SPATS2: variants seen among roughly 807,000 people sequenced by gnomAD.
SPATS2 encodes the protein spermatogenesis-associated serine-rich protein 2.
In SPATS2, 38 loss-of-function variants were observed where a neutral mutation model predicts 63.7. The ratio of observed to expected loss-of-function variants is 0.60; its 90% CI spans 0.46 to 0.78. SPATS2 has a LOEUF of 0.78. SPATS2 is among the 30% of genes least tolerant of loss of function. The pLI is 0.00. For missense variants in SPATS2, 588 were observed against 666.2 expected (o/e 0.88, Z 1.29); for synonymous variants, 207 against 232.9 (o/e 0.89, Z 1.01).
At chr12:49,417,020 C>T (rs1944900807) in intron 2 of SPATS2, among the ~76,000 whole-genome samples, 1 of 152,144 alleles carries the variant, frequency 6.6e-6, no homozygotes, top group Non-Finnish European at 1.5e-5. Context: ...TGAAAGATGG[C>T]CTCTCTTCTT....
At chr12:49,487,600 T>C (rs1205894321) in intron 4 of SPATS2, among the ~76,000 whole-genome samples, 3 of 152,194 alleles carry the variant, frequency 2.0e-5, no homozygotes, top group Admixed American at 6.5e-5. Flanking sequence ...TCTTTTTGTT[T>C]GGGTTTTTTG....
At chr12:49,444,733 A>T (rs534634877) in intron 2 of SPATS2, among the ~76,000 whole-genome samples, 7 of 151,872 alleles carry the variant, frequency 4.6e-5, no homozygotes, top group Non-Finnish European at 1.0e-4. Context: ...CCTGCTGAGT[A>T]GCTGGGATTA....
intron 2 of SPATS2, among the ~76,000 whole-genome samples, chr12:49,453,108 A>G (rs111300936): frequency 0.092 from 13,894 of 151,134 alleles, 763 homozygotes; most frequent in African/African-American, 0.15. Context: ...GCAGTGAGCC[A>G]AGATTGCGCC....
intron 2 of SPATS2, among the ~76,000 whole-genome samples, chr12:49,450,061 C>T (rs1355917868): frequency 6.6e-6 from 1 of 152,056 alleles, no homozygotes; most frequent in Non-Finnish European, 1.5e-5. Context: ...TCTAATAATA[C>T]CATTTTATCT....
chr12:49,385,514 C>T (rs2137213549), intron 2 of SPATS2, among the ~76,000 whole-genome samples: 1 of 152,214 alleles, frequency 6.6e-6, no homozygotes, highest in East Asian at 1.9e-4. Context: ...TTATAATTCA[C>T]ATCAAATATG....
intron 2 of SPATS2, among the ~76,000 whole-genome samples, chr12:49,406,877 A>T (rs1043081607): frequency 6.6e-6 from 1 of 152,210 alleles, no homozygotes; most frequent in East Asian, 1.9e-4. Flanking sequence ...GGAGAGAGCA[A>T]ACATATACTG....
intron 2 of SPATS2, among the ~76,000 whole-genome samples, chr12:49,390,809 A>G (rs947605772): frequency 6.6e-6 from 1 of 152,234 alleles, no homozygotes; most frequent in African/African-American, 2.4e-5. Context: ...TTCAGGAATG[A>G]AAAAGAAGGA....
At chr12:49,436,667 C>T (rs1945302481) in intron 2 of SPATS2, among the ~76,000 whole-genome samples, 1 of 129,450 alleles carries the variant, frequency 7.7e-6, no homozygotes, top group African/African-American at 2.9e-5. Context: ...CTCCTCTCTT[C>T]CCAGTAGGGG....
intron 3 of SPATS2, 124 bp from the exon 4 acceptor site, chr12:49,484,466 C>A: frequency 1.3e-6 from 1 of 782,228 alleles, no homozygotes; most frequent in South Asian, 1.9e-5. Context: ...ACAGAATTTG[C>A]CAAATAGCAA....
At chr12:49,481,347 C>T (rs974100508) in intron 3 of SPATS2, among the ~76,000 whole-genome samples, 11 of 151,192 alleles carry the variant, frequency 7.3e-5, no homozygotes, top group East Asian at 5.8e-4. Context: ...GGCAACAGAG[C>T]GAGACTCCGT....
intron 2 of SPATS2, among the ~76,000 whole-genome samples, chr12:49,455,993 A>G (rs1411771582): frequency 1.3e-5 from 2 of 152,068 alleles, no homozygotes; most frequent in Admixed American, 1.3e-4. Flanking sequence ...TGCACCAACC[A>G]TGACAGCAAC....
chr12:49,444,376 C>T (rs187419548), intron 2 of SPATS2, among the ~76,000 whole-genome samples: 2 of 151,902 alleles, frequency 1.3e-5, no homozygotes, highest in African/African-American at 4.8e-5. Context: ...CGTCATTGTG[C>T]CCAGCTAATT....
chr12:49,378,339 C>T (rs1420760268), intron 2 of SPATS2, among the ~76,000 whole-genome samples: 1 of 150,760 alleles, frequency 6.6e-6, no homozygotes, highest in Admixed American at 6.6e-5. Context: ...ACTCTGTCAC[C>T]CAGGCTGGAG....
At chr12:49,521,923 G>C (rs1946947969) in intron 11 of SPATS2, among the ~76,000 whole-genome samples, 2 of 151,920 alleles carry the variant, frequency 1.3e-5, no homozygotes, top group South Asian at 4.2e-4. Flanking sequence ...TTCTGATGCA[G>C]AGTGGTATTA....
intron 2 of SPATS2, among the ~76,000 whole-genome samples, chr12:49,436,553 G>T (rs1248079055): frequency 1.5e-5 from 2 of 130,368 alleles, no homozygotes; most frequent in East Asian, 2.2e-4. Context: ...TGGCCGGGCG[G>T]GGGGCTGACC....
chr12:49,495,625 C>G (rs1224293322), intron 7 of SPATS2, among the ~76,000 whole-genome samples: 4 of 152,196 alleles, frequency 2.6e-5, no homozygotes, highest in Non-Finnish European at 4.4e-5. Context: ...TCATATCCTA[C>G]TGCTCAAGGT....
In SPATS2 at chr12:49,367,507, T is replaced by A. The variant is rs947177704; in HGVS notation, c.-387T>A. 7.5e-6 allele frequency: 3 copies of A among 398,302 alleles called. No individual in the cohort carries two copies. The highest frequency in any genetic ancestry group is 4.4e-5 in the Admixed American group (1 of 22,644). The allele number at this position is 398,302 out of a possible 1,614,324, so 24.7% of individuals were successfully genotyped here. A position where few individuals can be genotyped will look rare whatever the true frequency, so the allele number is the denominator to read the frequency against. On this transcript the variant is annotated 5_prime_UTR_variant, in exon 1 of 14. Transcript: ENST00000552918. ...TAGAAGGGGAGGTGGAGGATCTCCT[T>A]TCCTCTTCTCAGACCCGGGAGCGTC... is the stretch of plus-strand genomic sequence containing the variant.
rs149955415 is a variant in SPATS2, at chr12:49,495,336, G to A, written c.526+334G>A. On this transcript the variant is annotated intron_variant, in intron 7 of 13. Transcript: ENST00000552918. The stretch of plus-strand genomic sequence containing the variant: ...AGCCTCCTGAGTAGCTGGTACTACA[G>A]GCACCCGCCACCACGCCTGGCTAAT... Among the ~76,000 whole-genome samples, 152 of 152,038 alleles carry A rather than the reference G, an allele frequency of 1.0e-3. 1 individual carries two copies. The highest frequency in any genetic ancestry group is 3.4e-3 in the African/African-American group (140 of 41,492).
In SPATS2 at chr12:49,500,176, GAAAC is replaced by G; in HGVS notation, c.813_816del (p.Gln272ProfsTer9). 1 of 1,608,566 alleles carries G rather than the reference GAAAC, an allele frequency of 6.2e-7. No homozygotes were observed. Among genetic ancestry groups the G allele is most frequent in the Non-Finnish European group, 8.5e-7 (1 of 1,178,328 alleles). On this transcript the variant is annotated frameshift_variant, in exon 9 of 14. Transcript: ENST00000552918. LOFTEE classifies it high-confidence loss of function. Reference sequence around the variant, plus strand: ...AGATGGATGCCTCCATTAAGAAAATGAAACAAGCCTTTGCTGAATTGGAGAGCTG... The same window carrying G: ...AGATGGATGCCTCCATTAAGAAAATGAAGCCTTTGCTGAATTGGAGAGCTG...
Sources: allele counts gnomAD v4.1 joint callset (sites outside exome capture counted in the v4.1 genomes callset), GRCh38; gene constraint gnomAD v4.1.1; transcripts MANE v1.5; gene names NCBI Gene and HGNC (gene_info 2026-07-23, HGNC 2026-07-21).